GRID2: variants seen among roughly 807,000 people sequenced by gnomAD.
The protein encoded by GRID2 is glutamate receptor ionotropic, delta-2.
GRID2 carries 33 observed loss-of-function variants against 114.8 expected under a neutral mutation model. The ratio of observed to expected loss-of-function variants is 0.29; its 90% CI spans 0.22 to 0.38. The LOEUF (loss-of-function observed/expected upper bound fraction) is 0.38, where lower values mean the gene tolerates loss of function less well. Ranked by LOEUF, GRID2 falls within the 10% of genes least tolerant of loss-of-function variation. GRID2 has a pLI of 1.00. For missense variants in GRID2, 1,184 were observed against 1,257.7 expected, an observed-to-expected ratio of 0.94 and a Z score of 0.89; for synonymous variants, 505 against 449.9, an observed-to-expected ratio of 1.12 and a Z score of -1.55.
At position 93,263,778 on chromosome 4, in the gene GRID2, C is replaced by T. The variant is rs543669466; in HGVS notation, c.1245+25288C>T. Among the ~76,000 whole-genome samples, 5 of 152,130 alleles carry T rather than the reference C, an allele frequency of 3.3e-5. No individual in the cohort carries two copies. The South Asian group carries it at 1.0e-3, about 32-fold the overall frequency. ...TGAAAAGACATGTCAGAAATAACTACTTAGTTAGAAACCTTTGTGAAAAGC... is the reference window on the plus strand; with the variant it reads ...TGAAAAGACATGTCAGAAATAACTATTTAGTTAGAAACCTTTGTGAAAAGC... On this transcript the variant is annotated intron_variant, in intron 8 of 15. Transcript: ENST00000282020.
intron 14 of GRID2, among the ~76,000 whole-genome samples, chr4:93,678,709 T>C (rs1346671558): frequency 4.0e-5 from 6 of 151,296 alleles, no homozygotes. Context: ...ATAAAATACT[T>C]TACAGACAAG....
At chr4:93,791,797 G>A (rs1734700316) in intron 1 of GRID2, among the ~76,000 whole-genome samples, 1 of 151,602 alleles carries the variant, frequency 6.6e-6, no homozygotes, top group Non-Finnish European at 1.5e-5. Context: ...GTGGCGCTGT[G>A]GTATCATTTG....
chr4:93,774,762 G>T (rs1734324605), downstream of GRID2, among the ~76,000 whole-genome samples: 1 of 151,978 alleles, frequency 6.6e-6, no homozygotes, highest in Non-Finnish European at 1.5e-5. Flanking sequence ...CTGCCTTTCT[G>T]CTATTTGAGA....
chr4:93,656,558 C>T (rs193245152), intron 14 of GRID2, among the ~76,000 whole-genome samples: 51 of 152,000 alleles, frequency 3.4e-4, no homozygotes, highest in African/African-American at 8.7e-4. Context: ...AGGCCGAGCG[C>T]GGTGGCTCAC....
At chr4:93,799,484 T>C (rs1734880593) in intron 1 of GRID2, among the ~76,000 whole-genome samples, 1 of 151,842 alleles carries the variant, frequency 6.6e-6, no homozygotes, top group South Asian at 2.1e-4. Flanking sequence ...TACATAGGCA[T>C]ATTTGAGGGG....
intron 2 of GRID2, among the ~76,000 whole-genome samples, chr4:92,627,591 T>A (rs1200874934): frequency 3.9e-5 from 6 of 152,138 alleles, no homozygotes; most frequent in Admixed American, 3.9e-4. Context: ...CCAACATATT[T>A]GTGCAATTTA....
intron 2 of GRID2, among the ~76,000 whole-genome samples, chr4:92,799,671 A>AGGGG (rs1740062816): frequency 6.6e-6 from 1 of 151,976 alleles, no homozygotes; most frequent in Non-Finnish European, 1.5e-5. Flanking sequence ...ATCCATTTAA[A>AGGGG]CTTAATCACC....
At chr4:93,365,953 A>T (rs1290723475) in intron 8 of GRID2, among the ~76,000 whole-genome samples, 3 of 152,122 alleles carry the variant, frequency 2.0e-5, no homozygotes, top group Non-Finnish European at 4.4e-5. Context: ...CATGGACACT[A>T]ACCACTTCCC....
intron 2 of GRID2, among the ~76,000 whole-genome samples, chr4:92,772,981 C>A (rs141131481): frequency 9.9e-5 from 15 of 152,282 alleles, no homozygotes; most frequent in Admixed American, 2.6e-4. Flanking sequence ...TCTGTCAAGT[C>A]ATTCTAGAAA....
chr4:93,742,083 CT>C (rs1180901002), intron 14 of GRID2, among the ~76,000 whole-genome samples: 17 of 152,196 alleles, frequency 1.1e-4, no homozygotes, highest in Admixed American at 2.0e-4. Context: ...TACAATTAAA[CT>C]TTTTTTCTTA....
intron 8 of GRID2, among the ~76,000 whole-genome samples, chr4:93,338,054 A>G (rs1759267743): frequency 6.6e-6 from 1 of 152,182 alleles, no homozygotes; most frequent in African/African-American, 2.4e-5. Context: ...TTTAGTCCCA[A>G]TAACAATGTT....
intron 2 of GRID2, among the ~76,000 whole-genome samples, chr4:92,602,065 C>G (rs534951283): frequency 1.1e-4 from 16 of 151,998 alleles, no homozygotes; most frequent in Admixed American, 3.3e-4. Flanking sequence ...GGATTTATAG[C>G]TGAATTCTAC....
chr4:92,514,311 T>C (rs1014186349), intron 1 of GRID2, among the ~76,000 whole-genome samples: 4 of 151,926 alleles, frequency 2.6e-5, no homozygotes, highest in Admixed American at 2.0e-4. Context: ...CAGCACAAGT[T>C]ACTTTATAAT....
chr4:92,583,925 A>G (rs1001332603), intron 1 of GRID2, among the ~76,000 whole-genome samples: 21 of 148,410 alleles, frequency 1.4e-4, no homozygotes, highest in Non-Finnish European at 2.5e-4. Flanking sequence ...ACATATATGT[A>G]TATATATATA....
intron 14 of GRID2, among the ~76,000 whole-genome samples, chr4:93,698,962 C>T (rs1229129796): frequency 6.6e-6 from 1 of 151,976 alleles, no homozygotes; most frequent in African/African-American, 2.4e-5. Flanking sequence ...AAATTGGTGA[C>T]CATGACAGTT....
At chr4:93,164,543 G>A (rs1439575994) in intron 4 of GRID2, among the ~76,000 whole-genome samples, 3 of 151,882 alleles carry the variant, frequency 2.0e-5, no homozygotes, top group Non-Finnish European at 2.9e-5. Context: ...TCTGATTTTT[G>A]TCCTTCCAAA....
intron 8 of GRID2, among the ~76,000 whole-genome samples, chr4:93,244,972 T>C (rs1748037263): frequency 6.6e-6 from 1 of 151,988 alleles, no homozygotes; most frequent in East Asian, 1.9e-4. Context: ...CTGCCATAGT[T>C]ATTTACTGTC....
At chr4:92,831,974 G>A (rs192071895) in intron 2 of GRID2, among the ~76,000 whole-genome samples, 1 of 152,054 alleles carries the variant, frequency 6.6e-6, no homozygotes, top group Non-Finnish European at 1.5e-5. Flanking sequence ...TAATGATACA[G>A]TGCATAAAAG....
chr4:93,027,885 C>A (rs980516593), intron 2 of GRID2, among the ~76,000 whole-genome samples: 1 of 151,602 alleles, frequency 6.6e-6, no homozygotes, highest in Admixed American at 6.6e-5. Context: ...AAATACAAAT[C>A]CAAATTTAAA....
Sources: allele counts gnomAD v4.1 joint callset (sites outside exome capture counted in the v4.1 genomes callset), GRCh38; gene constraint gnomAD v4.1.1; transcripts MANE v1.5; gene names NCBI Gene and HGNC (gene_info 2026-07-23, HGNC 2026-07-21).